The following CRYZL1 variants were observed in gnomAD, a reference collection of about 807,000 sequenced individuals.
CRYZL1 encodes the protein ferry endosomal RAB5 effector complex subunit 4.
In CRYZL1, 34 loss-of-function variants were observed where a neutral mutation model predicts 50.6. The ratio of observed to expected loss-of-function variants is 0.67; its 90% confidence interval spans 0.51 to 0.89. The LOEUF (loss-of-function observed/expected upper bound fraction) is 0.89, where lower values mean the gene tolerates loss of function less well. Among genes scored for constraint, CRYZL1 ranks in the 40% least tolerant of loss-of-function variants. CRYZL1 has a pLI of 0.00. For missense variants in CRYZL1, 354 were observed against 402.3 expected, an observed-to-expected ratio of 0.88 and a Z score of 1.03; for synonymous variants, 125 against 134.3, an observed-to-expected ratio of 0.93 and a Z score of 0.48.
intron 6 of CRYZL1, 96 bp from the exon 7 acceptor site, chr21:33,603,633 C>T: frequency 7.2e-7 from 1 of 1,396,874 alleles, no homozygotes; most frequent in Non-Finnish European, 9.8e-7. Flanking sequence ...TACTATGGCC[C>T]TGGTCCAAGC....
At chr21:33,611,829 A>G (rs1430349998) in intron 6 of CRYZL1, among the ~76,000 whole-genome samples, 2 of 152,236 alleles carry the variant, frequency 1.3e-5, no homozygotes, top group African/African-American at 4.8e-5. Flanking sequence ...CCTTTTCTCT[A>G]TATCCTTAAA....
At chr21:33,590,886 ATC>A (rs2086637184) in intron 12 of CRYZL1, among the ~76,000 whole-genome samples, 1 of 152,252 alleles carries the variant, frequency 6.6e-6, no homozygotes, top group African/African-American at 2.4e-5. Context: ...AGCCACTTCT[ATC>A]TCTGCGAGTA....
At chr21:33,612,975 C>T (rs1158620427) in intron 6 of CRYZL1, among the ~76,000 whole-genome samples, 2 of 152,064 alleles carry the variant, frequency 1.3e-5, no homozygotes, top group Non-Finnish European at 2.9e-5. Flanking sequence ...AGGTGCGTGT[C>T]ACCACACCCA....
intron 6 of CRYZL1, among the ~76,000 whole-genome samples, chr21:33,606,687 GT>G (rs1405872463): frequency 2.6e-5 from 4 of 151,564 alleles, no homozygotes; most frequent in African/African-American, 7.3e-5. Flanking sequence ...TGTGTTGGGG[GT>G]CCACAGGTGT....
intron 8 of CRYZL1, 42 bp downstream of exon 8, chr21:33,602,192 A>C: frequency 9.0e-7 from 1 of 1,116,824 alleles, no homozygotes; most frequent in Non-Finnish European, 1.4e-6. Flanking sequence ...ATTTTCCTTC[A>C]AAATTTCCTG....
At chr21:33,617,335 GGAA>G (rs760761222) in intron 4 of CRYZL1, among the ~76,000 whole-genome samples, 17 of 152,176 alleles carry the variant, frequency 1.1e-4, no homozygotes, top group Admixed American at 5.2e-4. Context: ...CTGACTTTAA[GGAA>G]GAAGGAGTAA....
chr21:33,609,918 A>G (rs964897623), intron 6 of CRYZL1, among the ~76,000 whole-genome samples: 5 of 148,554 alleles, frequency 3.4e-5, no homozygotes, highest in Non-Finnish European at 7.4e-5. Context: ...GTTAGCCAGG[A>G]TGGTCTCGAT....
intron 6 of CRYZL1, among the ~76,000 whole-genome samples, chr21:33,609,128 T>TC (rs1387998413): frequency 2.0e-5 from 3 of 152,228 alleles, no homozygotes; most frequent in African/African-American, 7.2e-5. Flanking sequence ...TCACATGTCT[T>TC]CTTTTGAGAA....
intron 12 of CRYZL1, among the ~76,000 whole-genome samples, chr21:33,590,312 C>T (rs146220297): frequency 0.021 from 3,142 of 150,054 alleles, 110 homozygotes; most frequent in African/African-American, 0.073. Flanking sequence ...CCACTGCACC[C>T]GGCCTCAAAT....
At chr21:33,611,121 G>T (rs2086869038) in intron 6 of CRYZL1, among the ~76,000 whole-genome samples, 1 of 152,174 alleles carries the variant, frequency 6.6e-6, no homozygotes, top group African/African-American at 2.4e-5. Context: ...GTACTCGAAA[G>T]AACAGGGCAA....
intron 1 of CRYZL1, among the ~76,000 whole-genome samples, chr21:33,633,226 A>C (rs1319336733): frequency 6.6e-6 from 1 of 152,174 alleles, no homozygotes; most frequent in Non-Finnish European, 1.5e-5. Flanking sequence ...GAATACTATT[A>C]TTTCATTTAT....
At chr21:33,595,936 G>A in intron 10 of CRYZL1, 100 bp from the exon 11 acceptor site, 1 of 758,148 alleles carries the variant, frequency 1.3e-6, no homozygotes, top group Non-Finnish European at 2.3e-6. Context: ...ATTAAATGAT[G>A]TCCAAATCAC....
At chr21:33,633,320 A>T (rs1000147093) in intron 1 of CRYZL1, among the ~76,000 whole-genome samples, 3 of 152,216 alleles carry the variant, frequency 2.0e-5, no homozygotes, top group Non-Finnish European at 4.4e-5. Flanking sequence ...TGGGATATAA[A>T]CTAGGTGCTA....
At chr21:33,630,956 C>T (rs369622348) in intron 2 of CRYZL1, among the ~76,000 whole-genome samples, 7 of 151,900 alleles carry the variant, frequency 4.6e-5, no homozygotes, top group Admixed American at 3.9e-4. Flanking sequence ...ATTGCATAGA[C>T]GTAGAGAGTC....
intron 1 of CRYZL1, chr21:33,640,192 CA>C (rs773034395): frequency 6.5e-7 from 1 of 1,548,124 alleles, no homozygotes; most frequent in South Asian, 1.2e-5. Flanking sequence ...ATTGGGTCTA[CA>C]AAAAGAGCAT....
rs541296743 is a variant in CRYZL1 at position 33,599,209 on chromosome 21, G to A, written c.617C>T (p.Ala206Val). ...ACCTGTTTCTTCCAAACAGCTTTCA[G>A]CAACATGAACTTTCCCATTAGATAC... ...IDVSNGKVHV[A>V]ESCLEETGGL... Residue 206 changes from alanine to valine, a missense_variant, in exon 9 of 13, where the codon GCT becomes GTT. By Grantham distance (64) the Ala-to-Val change is moderately conservative. Coordinates refer to ENST00000381554, the MANE Select transcript of CRYZL1 (RefSeq NM_145858.3). The A allele has an allele frequency of 1.9e-5, 31 of 1,613,814 alleles. No homozygotes were observed. The highest frequency in any genetic ancestry group is 2.2e-5 in the Non-Finnish European group (26 of 1,179,904).
intron 11 of CRYZL1, among the ~76,000 whole-genome samples, chr21:33,593,849 G>A (rs1477045463): frequency 6.6e-6 from 1 of 151,820 alleles, no homozygotes; most frequent in African/African-American, 2.4e-5. Flanking sequence ...GCCAGGCGTG[G>A]TGGCGCATGT....
At chr21:33,616,581 A>T in intron 5 of CRYZL1, 125 bp downstream of exon 5, 1 of 1,547,016 alleles carries the variant, frequency 6.5e-7, no homozygotes, top group African/African-American at 1.4e-5. Context: ...CGTGAGCCAC[A>T]GCACCCAGCC....
intron 4 of CRYZL1, among the ~76,000 whole-genome samples, chr21:33,618,228 G>T (rs1017344641): frequency 6.9e-6 from 1 of 144,790 alleles, no homozygotes; most frequent in African/African-American, 2.6e-5. Flanking sequence ...GGCGGAGCTT[G>T]CAGTGAGCCA....
Sources: allele counts gnomAD v4.1 joint callset (sites outside exome capture counted in the v4.1 genomes callset), GRCh38; gene constraint gnomAD v4.1.1; transcripts MANE v1.5; gene names NCBI Gene and HGNC (gene_info 2026-07-23, HGNC 2026-07-21).